RFX7: variants seen among roughly 807,000 people sequenced by gnomAD.
The protein encoded by RFX7 is DNA-binding protein RFX7.
RFX7 carries 26 observed loss-of-function variants against 111.8 expected under a neutral mutation model. The observed-to-expected ratio is 0.23, with a 90% confidence interval of 0.17 to 0.32. The LOEUF is 0.32. RFX7 is among the 10% of genes least tolerant of loss of function. The pLI, the probability that RFX7 is intolerant of heterozygous loss-of-function variation, is 1.00. For missense variants in RFX7, 1,573 were observed against 1,772.9 expected (o/e 0.89, Z 2.02); for synonymous variants, 624 against 624.4 (o/e 1.00, Z 0.01).
intron 2 of RFX7, among the ~76,000 whole-genome samples, chr15:56,187,274 G>A (rs192229072): frequency 2.0e-5 from 3 of 151,058 alleles, no homozygotes; most frequent in Non-Finnish European, 4.4e-5. Flanking sequence ...GCAGAGGCAC[G>A]ATCTCAGCTC....
intron 5 of RFX7, among the ~76,000 whole-genome samples, chr15:56,112,706 C>T (rs376776323): frequency 3.2e-4 from 48 of 152,064 alleles, no homozygotes; most frequent in Middle Eastern, 3.4e-3. Flanking sequence ...ATCATCAGAG[C>T]GAACAGACAA....
chr15:56,110,316 G>GC (rs2041904656), intron 5 of RFX7, among the ~76,000 whole-genome samples: 1 of 57,574 alleles, frequency 1.7e-5, no homozygotes, highest in Admixed American at 1.6e-4. Flanking sequence ...CGGGAGGGAG[G>GC]TGGGGGGGGG....
At chr15:56,131,199 G>T (rs1364599856) in intron 5 of RFX7, among the ~76,000 whole-genome samples, 3 of 150,774 alleles carry the variant, frequency 2.0e-5, no homozygotes, top group African/African-American at 7.3e-5. Flanking sequence ...GAACTCAATG[G>T]TACACTACAA....
intron 5 of RFX7, among the ~76,000 whole-genome samples, chr15:56,132,904 T>C (rs540175480): frequency 5.3e-5 from 8 of 152,234 alleles, no homozygotes; most frequent in African/African-American, 1.9e-4. Context: ...TTCACTGCAG[T>C]GCTATTTGCA....
chr15:56,180,346 G>C (rs756073129), intron 2 of RFX7, among the ~76,000 whole-genome samples: 4 of 151,858 alleles, frequency 2.6e-5, no homozygotes, highest in Non-Finnish European at 4.4e-5. Flanking sequence ...AGTTCAGAAC[G>C]ACTAAAAAGA....
chr15:56,093,447 TGG>T lies in RFX7; in HGVS notation c.4279_4280del (p.Pro1427IlefsTer8). Reference sequence around the variant, plus strand: ...ATTCACTGCAAATTTGTTGAAATAATGGGTCATTCTTTAATTCTTCCAGTGTA... The same window carrying T: ...ATTCACTGCAAATTTGTTGAAATAATGTCATTCTTTAATTCTTCCAGTGTA... ...EATLEELKND[P>X]LFQQICSESM... is the part of the protein sequence containing the mutation. On this transcript the variant is annotated frameshift_variant, in exon 10 of 10. Transcript: ENST00000559447. LOFTEE classifies it high-confidence loss of function. 1 of 1,613,860 alleles carries T rather than the reference TGG, an allele frequency of 6.2e-7. No individual in the cohort carries two copies. Among genetic ancestry groups the T allele is most frequent in the Non-Finnish European group, 8.5e-7 (1 of 1,179,816 alleles).
chr15:56,171,490 T>C (rs1051574168), intron 3 of RFX7, among the ~76,000 whole-genome samples: 10 of 152,024 alleles, frequency 6.6e-5, no homozygotes. Flanking sequence ...CAAGCAGCCA[T>C]TAATGGCTTT....
intron 2 of RFX7, among the ~76,000 whole-genome samples, chr15:56,212,612 A>G (rs1188611814): frequency 6.6e-6 from 1 of 152,154 alleles, no homozygotes. Flanking sequence ...CAGAGAATGT[A>G]TGGGAAATTC....
At chr15:56,183,164 T>G (rs2042994884) in intron 2 of RFX7, among the ~76,000 whole-genome samples, 1 of 152,146 alleles carries the variant, frequency 6.6e-6, no homozygotes, top group Non-Finnish European at 1.5e-5. Context: ...ATGAATTGTT[T>G]GTTCCTATCC....
intron 2 of RFX7, among the ~76,000 whole-genome samples, chr15:56,205,718 A>G (rs1392170127): frequency 2.0e-5 from 3 of 152,222 alleles, no homozygotes; most frequent in African/African-American, 7.2e-5. Flanking sequence ...ACAGAAACAT[A>G]TATTAGTGAA....
intron 3 of RFX7, among the ~76,000 whole-genome samples, chr15:56,177,161 T>C (rs1361347145): frequency 3.3e-5 from 5 of 152,160 alleles, no homozygotes; most frequent in African/African-American, 1.2e-4. Context: ...TTTTTGTACC[T>C]ACTGTTCCTT....
intron 2 of RFX7, among the ~76,000 whole-genome samples, chr15:56,230,306 T>C (rs2043536552): frequency 6.6e-6 from 1 of 152,218 alleles, no homozygotes; most frequent in Admixed American, 6.5e-5. Flanking sequence ...ACACAATGGC[T>C]TTCATTTGGA....
intron 2 of RFX7, among the ~76,000 whole-genome samples, chr15:56,227,141 A>G (rs2043494112): frequency 6.6e-6 from 1 of 152,212 alleles, no homozygotes; most frequent in Non-Finnish European, 1.5e-5. Flanking sequence ...TCTGTAATTT[A>G]AGCACTTTGC....
chr15:56,209,630 T>C (rs1251235911), intron 2 of RFX7, among the ~76,000 whole-genome samples: 4 of 152,058 alleles, frequency 2.6e-5, no homozygotes, highest in Admixed American at 6.6e-5. Flanking sequence ...CACATATGCT[T>C]CTATATAAAC....
intron 5 of RFX7, among the ~76,000 whole-genome samples, chr15:56,112,379 C>CAAAAAAAAAAAAAAAA (rs71110374): frequency 1.8e-4 from 13 of 71,764 alleles, no homozygotes; most frequent in East Asian, 4.2e-4. Context: ...GAGTACAAAT[C>CAAAAAAAAAAAAAAAA]AAAAAAAAAA....
chr15:56,093,155 C>G lies in RFX7; in HGVS notation c.*190G>C. The G allele has an allele frequency of 1.9e-6, 1 of 536,354 alleles. No individual in the cohort carries two copies. Among genetic ancestry groups the G allele is most frequent in the Non-Finnish European group, 3.3e-6 (1 of 306,928 alleles). The allele number at this position is 536,354 out of a possible 1,614,324, so 33.2% of individuals were successfully genotyped here. On this transcript the variant is annotated 3_prime_UTR_variant, in exon 10 of 10. Transcript: ENST00000559447. Reference sequence around the variant, plus strand: ...AACCTAATACTTGTTCTTCTACAGCCTACTGTCTTTAGACACTTGTTAAGA... The same window carrying G: ...AACCTAATACTTGTTCTTCTACAGCGTACTGTCTTTAGACACTTGTTAAGA...
chr15:56,122,172 T>C (rs1325778122), intron 5 of RFX7, among the ~76,000 whole-genome samples: 2 of 152,188 alleles, frequency 1.3e-5, no homozygotes, highest in Admixed American at 6.5e-5. Flanking sequence ...GGAAAGACTT[T>C]GCAGGTATTC....
chr15:56,226,826 T>C (rs949081457), intron 2 of RFX7, among the ~76,000 whole-genome samples: 1 of 152,288 alleles, frequency 6.6e-6, no homozygotes, highest in East Asian at 1.9e-4. Flanking sequence ...AACCCTTTAC[T>C]GAGGAAGGGC....
At chr15:56,185,894 T>A (rs1404971862) in intron 2 of RFX7, among the ~76,000 whole-genome samples, 2 of 152,252 alleles carry the variant, frequency 1.3e-5, no homozygotes, top group African/African-American at 4.8e-5. Context: ...TGAAATTTTT[T>A]AATTATGAAC....
Sources: allele counts gnomAD v4.1 joint callset (sites outside exome capture counted in the v4.1 genomes callset), GRCh38; gene constraint gnomAD v4.1.1; transcripts MANE v1.5; gene names NCBI Gene and HGNC (gene_info 2026-07-23, HGNC 2026-07-21).